Variants in VAV3 observed in about 807,000 individuals in gnomAD.
VAV3 encodes the protein vav guanine nucleotide exchange factor 3.
In VAV3, 94 loss-of-function variants were observed where a neutral mutation model predicts 131.2. That is an observed-to-expected ratio of 0.72 (90% CI 0.61 to 0.85). The LOEUF (loss-of-function observed/expected upper bound fraction) is 0.85, where lower values mean the gene tolerates loss of function less well. Among genes scored for constraint, VAV3 ranks in the 40% least tolerant of loss-of-function variants. The pLI, the probability that VAV3 is intolerant of heterozygous loss-of-function variation, is 0.00. For synonymous variants in VAV3, 349 were observed against 342.0 expected, an observed-to-expected ratio of 1.02 and a Z score of -0.22; for missense variants, 939 against 1,002.7, an observed-to-expected ratio of 0.94 and a Z score of 0.86.
chr1:107,584,207 G>A (rs1258381883), intron 25 of VAV3, among the ~76,000 whole-genome samples: 3 of 152,228 alleles, frequency 2.0e-5, no homozygotes, highest in Non-Finnish European at 4.4e-5. Flanking sequence ...CTAGCCATAT[G>A]TAGAAAGCTG....
chr1:107,814,312 A>G (rs766385070), intron 2 of VAV3, among the ~76,000 whole-genome samples: 43 of 152,042 alleles, frequency 2.8e-4, no homozygotes, highest in Non-Finnish European at 1.2e-4. Context: ...GCCAGCACCC[A>G]TTAGTTTTTG....
At chr1:107,849,191 T>C (rs56045116) in intron 2 of VAV3, among the ~76,000 whole-genome samples, 198 of 152,090 alleles carry the variant, frequency 1.3e-3, no homozygotes, top group African/African-American at 4.6e-3. Context: ...TAAGCTACCA[T>C]TGACTTTCTT....
intron 17 of VAV3, among the ~76,000 whole-genome samples, chr1:107,700,238 C>T (rs1237854855): frequency 6.6e-6 from 1 of 152,096 alleles, no homozygotes; most frequent in Non-Finnish European, 1.5e-5. Context: ...TTTCAACTTC[C>T]TTATGGCCTG....
chr1:107,962,400 G>A (rs1049580167), intron 1 of VAV3, among the ~76,000 whole-genome samples: 9 of 152,070 alleles, frequency 5.9e-5, no homozygotes, highest in South Asian at 2.1e-4. Context: ...AATTTCTATT[G>A]GAACCTATTA....
At chr1:107,944,236 C>CT (rs1469866740) in intron 1 of VAV3, among the ~76,000 whole-genome samples, 1 of 152,194 alleles carries the variant, frequency 6.6e-6, no homozygotes, top group Non-Finnish European at 1.5e-5. Flanking sequence ...TCTACTTACC[C>CT]TCTCCCCATG....
intron 1 of VAV3, among the ~76,000 whole-genome samples, chr1:107,895,850 T>A (rs769656502): frequency 1.7e-4 from 25 of 150,608 alleles, no homozygotes; most frequent in Admixed American, 4.0e-4. Flanking sequence ...ATTAATCACA[T>A]AGCAATATGA....
chr1:107,905,107 T>C (rs1251810891), intron 1 of VAV3, among the ~76,000 whole-genome samples: 1 of 152,172 alleles, frequency 6.6e-6, no homozygotes, highest in Admixed American at 6.5e-5. Context: ...TATCCGAAAC[T>C]GTTATAAAAT....
At position 107,642,722 on chromosome 1, in the gene VAV3, G is replaced by A; in HGVS notation, c.1811C>T (p.Ser604Phe). The A allele has an allele frequency of 6.2e-7, 1 of 1,613,416 alleles. No homozygotes were observed. The highest frequency in any genetic ancestry group is 1.1e-5 in the South Asian group (1 of 91,030). Reference sequence around the variant, plus strand: ...ATGCAGAGCTGGGGGTGGTGTTCCAGAATAGTTCCTAATGACCTGCATCTT... The same window carrying A: ...ATGCAGAGCTGGGGGTGGTGTTCCAAAATAGTTCCTAATGACCTGCATCTT... ...LPKMQVIRNY[S>F]GTPPPALHEG... The change falls in exon 20 of 27, where the codon TCT (serine) becomes TTT (phenylalanine). Residue 604 changes from serine (S) to phenylalanine (F), a missense_variant. Coordinates refer to ENST00000370056, the MANE Select transcript of VAV3 (RefSeq NM_006113.5).
intron 2 of VAV3, among the ~76,000 whole-genome samples, chr1:107,844,945 T>C (rs771926686): frequency 6.6e-6 from 1 of 152,140 alleles, no homozygotes; most frequent in Non-Finnish European, 1.5e-5. Flanking sequence ...AGCACAGCGT[T>C]TGAGCTCTGC....
At chr1:107,801,717 G>A (rs528678019) in intron 2 of VAV3, among the ~76,000 whole-genome samples, 3 of 152,188 alleles carry the variant, frequency 2.0e-5, no homozygotes, top group East Asian at 3.9e-4. Context: ...CTATAAATTT[G>A]TTCTGACCAC....
intron 2 of VAV3, among the ~76,000 whole-genome samples, chr1:107,799,833 T>C (rs567209131): frequency 6.6e-6 from 1 of 152,154 alleles, no homozygotes; most frequent in South Asian, 2.1e-4. Context: ...AGCCAACTTC[T>C]CTTCATCCCT....
chr1:107,790,084 C>G (rs998226709), intron 2 of VAV3, among the ~76,000 whole-genome samples: 8 of 152,098 alleles, frequency 5.3e-5, no homozygotes, highest in African/African-American at 1.9e-4. Flanking sequence ...CATCCCAAAG[C>G]CCCCCCAGCT....
At chr1:107,721,694 A>G (rs1460822431) in intron 15 of VAV3, among the ~76,000 whole-genome samples, 1 of 152,114 alleles carries the variant, frequency 6.6e-6, no homozygotes, top group African/African-American at 2.4e-5. Context: ...CCTTACAGGA[A>G]GGGAAAACCT....
intron 2 of VAV3, among the ~76,000 whole-genome samples, chr1:107,823,379 T>C (rs886521018): frequency 1.3e-5 from 2 of 152,198 alleles, no homozygotes; most frequent in South Asian, 4.1e-4. Flanking sequence ...GTGCATTGAC[T>C]GTGAGTCTGA....
At chr1:107,579,148 A>G (rs1159291492) in intron 25 of VAV3, among the ~76,000 whole-genome samples, 1 of 152,208 alleles carries the variant, frequency 6.6e-6, no homozygotes, top group East Asian at 1.9e-4. Context: ...CTAGAATTAG[A>G]ATCCTCTTAA....
intron 2 of VAV3, among the ~76,000 whole-genome samples, chr1:107,841,180 T>C (rs1254740075): frequency 2.0e-5 from 3 of 152,164 alleles, no homozygotes; most frequent in Non-Finnish European, 4.4e-5. Context: ...CAGAAAATAC[T>C]AAGCATCTTC....
intron 25 of VAV3, among the ~76,000 whole-genome samples, chr1:107,594,803 T>C (rs1651242828): frequency 1.3e-5 from 2 of 152,088 alleles, no homozygotes. Flanking sequence ...TCCTACCTAA[T>C]ATGGGACATC....
intron 1 of VAV3, among the ~76,000 whole-genome samples, chr1:107,946,495 C>G (rs1416639302): frequency 2.0e-5 from 3 of 152,080 alleles, no homozygotes; most frequent in African/African-American, 7.2e-5. Flanking sequence ...CACTATCTGG[C>G]AATATGTTAA....
At chr1:107,767,662 G>C (rs1664808959) in intron 7 of VAV3, among the ~76,000 whole-genome samples, 1 of 152,158 alleles carries the variant, frequency 6.6e-6, no homozygotes, top group South Asian at 2.1e-4. Context: ...AATACAAGCA[G>C]GTCTGTGAAT....
Sources: gnomAD v4.1 joint callset for allele counts (sites outside exome capture counted in the v4.1 genomes callset) on GRCh38, gnomAD v4.1.1 for gene constraint, MANE v1.5 for transcripts, NCBI Gene and HGNC (gene_info 2026-07-23, HGNC 2026-07-21) for gene names.